The following GATAD2B variants were observed in gnomAD, a reference collection of about 807,000 sequenced individuals.
GATAD2B encodes transcriptional repressor p66-beta.
In GATAD2B, 8 loss-of-function variants were observed where a neutral mutation model predicts 64.3. The observed-to-expected ratio is 0.12, with a 90% CI of 0.07 to 0.22. The LOEUF (loss-of-function observed/expected upper bound fraction) is 0.22, where lower values mean the gene tolerates loss of function less well. GATAD2B is among the 10% of genes least tolerant of loss of function. The pLI is 1.00. For synonymous variants in GATAD2B, 281 were observed against 271.3 expected, an observed-to-expected ratio of 1.04 and a Z score of -0.35; for missense variants, 453 against 752.0, an observed-to-expected ratio of 0.60 and a Z score of 4.65.
rs569714696 is a variant in GATAD2B at position 153,809,544 on chromosome 1, A to G, written c.*633T>C. On this transcript the variant is annotated 3_prime_UTR_variant, in exon 11 of 11. Coordinates refer to ENST00000368655, the MANE Select transcript of GATAD2B (RefSeq NM_020699.4). ...GTCCAGCCCCCAAACACCCACAGGT[A>G]GGGTGCTATTCGTCCTTCTTTGATA... The G allele has an allele frequency of 6.5e-6, 1 of 152,688 alleles. No individual in the cohort carries two copies. Among genetic ancestry groups the G allele is most frequent in the East Asian group, 1.9e-4 (1 of 5,176 alleles). 9.5% of individuals were successfully genotyped at this position (152,688 alleles called of 1,614,324 possible). A position where few individuals can be genotyped will look rare whatever the true frequency, so the allele number is the denominator to read the frequency against.
rs1674182675 is a variant in GATAD2B, at chr1:153,808,716, G to A, written c.*1461C>T. 6.7e-6 allele frequency: 1 copy of A among 150,176 alleles called. No individual in the cohort carries two copies. The highest frequency in any genetic ancestry group is 2.5e-5 in the African/African-American group (1 of 40,446). 9.3% of individuals were successfully genotyped at this position (150,176 alleles called of 1,614,324 possible). ...CTGGTCCACTCCGTCTTCCCACAGTGTGGGCAAATGGGATGCTAATCTCCC... is the reference window on the plus strand; with the variant it reads ...CTGGTCCACTCCGTCTTCCCACAGTATGGGCAAATGGGATGCTAATCTCCC... On this transcript the variant is annotated 3_prime_UTR_variant, in exon 11 of 11. Transcript: ENST00000368655.
At chr1:153,895,428 G>A (rs1677556131) in intron 1 of GATAD2B, among the ~76,000 whole-genome samples, 1 of 151,308 alleles carries the variant, frequency 6.6e-6, no homozygotes, top group Non-Finnish European at 1.5e-5. Flanking sequence ...AAGAGGTACA[G>A]AACCAACCAG....
At chr1:153,909,460 A>G (rs937967995) in intron 1 of GATAD2B, among the ~76,000 whole-genome samples, 6 of 151,640 alleles carry the variant, frequency 4.0e-5, no homozygotes, top group African/African-American at 1.4e-4. Flanking sequence ...TTGGCCTCCT[A>G]AAGTGCTGGG....
At position 153,912,297 on chromosome 1, in the gene GATAD2B, A is replaced by T. The variant is rs541625197; in HGVS notation, c.-2+10436T>A. Among the ~76,000 whole-genome samples the T allele has an allele frequency of 2.0e-5, 3 of 152,316 alleles. No homozygotes were observed. In the East Asian group the frequency reaches 5.8e-4, roughly 29 times the overall value. On this transcript the variant is annotated intron_variant, in intron 1 of 10. Coordinates refer to ENST00000368655, the MANE Select transcript of GATAD2B (RefSeq NM_020699.4). ...CAACTATCTTCCTGGGAATGCACTGAAGGTGAAGGCTAAGTTGGTTGACAC... is the reference window on the plus strand; with the variant it reads ...CAACTATCTTCCTGGGAATGCACTGTAGGTGAAGGCTAAGTTGGTTGACAC...
intron 2 of GATAD2B, among the ~76,000 whole-genome samples, chr1:153,826,524 G>C (rs909661580): frequency 6.6e-6 from 1 of 152,052 alleles, no homozygotes; most frequent in Admixed American, 6.5e-5. Flanking sequence ...GCTACTTAGG[G>C]GAGTAGAGAG....
At chr1:153,853,847 G>A (rs1258559910) in intron 1 of GATAD2B, among the ~76,000 whole-genome samples, 3 of 152,132 alleles carry the variant, frequency 2.0e-5, no homozygotes, top group Non-Finnish European at 4.4e-5. Flanking sequence ...ATTTGTTGGA[G>A]GGACTATCCT....
rs1379640413 is a variant in GATAD2B at position 153,813,226 on chromosome 1, C to T, written c.1419+24G>A. ...GGAAAAAACAAACTGGGACAGGTGG[C>T]CAGTGAGCAGTCAGAATTCTTACCT... On this transcript the variant is annotated intron_variant, in intron 8 of 10. Coordinates refer to ENST00000368655, the MANE Select transcript of GATAD2B (RefSeq NM_020699.4). The T allele has an allele frequency of 3.8e-6, 6 of 1,593,166 alleles. No individual in the cohort carries two copies. The South Asian group carries it at 4.4e-5, about 12-fold the overall frequency.
intron 1 of GATAD2B, among the ~76,000 whole-genome samples, chr1:153,862,777 T>A (rs1037259051): frequency 2.7e-5 from 4 of 147,632 alleles, no homozygotes; most frequent in South Asian, 2.1e-4. Flanking sequence ...CAGGCTGGAG[T>A]GCAATGGTGC....
Position 153,849,043 on chromosome 1 carries a change from T to C in GATAD2B, c.-1-20695A>G, listed in dbSNP as rs539268855. Among the ~76,000 whole-genome samples, 141 of 151,282 alleles carry C rather than the reference T, an allele frequency of 9.3e-4. 1 individual carries two copies. Among genetic ancestry groups the C allele is most frequent in the Non-Finnish European group, 1.7e-3 (113 of 67,784 alleles). On this transcript the variant is annotated intron_variant, in intron 1 of 10. Coordinates refer to ENST00000368655, the MANE Select transcript of GATAD2B (RefSeq NM_020699.4). ...GGTGTGTGTGTTCTGTTTTGTTTTG[T>C]TTAGAGATGGAGTCTCTCCATGTTG...
intron 1 of GATAD2B, among the ~76,000 whole-genome samples, chr1:153,910,434 C>T (rs1001907241): frequency 1.3e-5 from 2 of 152,172 alleles, no homozygotes; most frequent in Non-Finnish European, 2.9e-5. Context: ...AGATATCCAA[C>T]ACTTTATTAC....
intron 1 of GATAD2B, among the ~76,000 whole-genome samples, chr1:153,919,512 G>A (rs934613530): frequency 6.6e-6 from 1 of 152,168 alleles, no homozygotes; most frequent in Non-Finnish European, 1.5e-5. Context: ...GGAGGTTGCT[G>A]CTTCAAGGAT....
chr1:153,859,135 T>C (rs1407356746), intron 1 of GATAD2B, among the ~76,000 whole-genome samples: 1 of 151,880 alleles, frequency 6.6e-6, no homozygotes, highest in Admixed American at 6.6e-5. Context: ...GGCCGAGGTA[T>C]GTAGGATGAT....
chr1:153,891,446 G>A (rs917919158), intron 1 of GATAD2B, among the ~76,000 whole-genome samples: 6 of 150,564 alleles, frequency 4.0e-5, no homozygotes, highest in Admixed American at 2.7e-4. Context: ...GCGGGCACCT[G>A]TAAATCCCAG....
chr1:153,853,001 T>C lies in GATAD2B; in HGVS notation c.-1-24653A>G, dbSNP rs1384884845. 4.4e-6 allele frequency: 5 copies of C among 1,126,168 alleles called. No individual in the cohort carries two copies. The East Asian group carries it at 1.2e-4, about 26-fold the overall frequency. The allele number at this position is 1,126,168 out of a possible 1,614,324, so 69.8% of individuals were successfully genotyped here. ...TCCACAGTGCCAGTCACTACCCCTT[T>C]GGTCTTGTCCATCAACCCTGTGATG... On this transcript the variant is annotated intron_variant, in intron 1 of 10. Transcript: ENST00000368655.
intron 1 of GATAD2B, among the ~76,000 whole-genome samples, chr1:153,831,378 CTAA>C (rs888786876): frequency 9.2e-5 from 14 of 152,236 alleles, no homozygotes; most frequent in African/African-American, 3.1e-4. Flanking sequence ...GGACAAATAT[CTAA>C]TACATGTGGG....
chr1:153,910,629 A>G (rs1352282558), intron 1 of GATAD2B, among the ~76,000 whole-genome samples: 1 of 152,040 alleles, frequency 6.6e-6, no homozygotes, highest in African/African-American at 2.4e-5. Context: ...AATTCCAGCT[A>G]CTCAGGAGGC....
At chr1:153,880,885 T>C (rs1291416148) in intron 1 of GATAD2B, among the ~76,000 whole-genome samples, 1 of 151,972 alleles carries the variant, frequency 6.6e-6, no homozygotes, top group Non-Finnish European at 1.5e-5. Context: ...AGTTACTACT[T>C]CTACTAGGAA....
At chr1:153,906,582 A>G (rs1677945102) in intron 1 of GATAD2B, among the ~76,000 whole-genome samples, 1 of 152,124 alleles carries the variant, frequency 6.6e-6, no homozygotes, top group South Asian at 2.1e-4. Flanking sequence ...TAGATGCTTC[A>G]TGATGTTGGA....
At chr1:153,813,491 C>T (rs1674359933) in intron 7 of GATAD2B, 39 bp from the exon 8 acceptor site, 1 of 1,342,688 alleles carries the variant, frequency 7.4e-7, no homozygotes, top group Non-Finnish European at 1.1e-6. Flanking sequence ...TTTACATTTC[C>T]TATCTCCTCT....
Sources: gnomAD v4.1 joint callset for allele counts (sites outside exome capture counted in the v4.1 genomes callset) on GRCh38, gnomAD v4.1.1 for gene constraint, MANE v1.5 for transcripts, NCBI Gene and HGNC (gene_info 2026-07-23, HGNC 2026-07-21) for gene names.